DSE: variants seen among roughly 807,000 people sequenced by gnomAD.
The protein encoded by DSE is dermatan-sulfate epimerase.
A neutral mutation model predicts 84.4 loss-of-function variants in DSE; 36 were observed. The observed-to-expected ratio is 0.43, with a 90% CI of 0.33 to 0.56. The LOEUF is 0.56. DSE is among the 20% of genes least tolerant of loss of function. The pLI is 0.06. For synonymous variants in DSE, 410 were observed against 430.1 expected, an observed-to-expected ratio of 0.95 and a Z score of 0.58; for missense variants, 862 against 1,169.6, an observed-to-expected ratio of 0.74 and a Z score of 3.84.
At chr6:116,406,422 A>G (rs981468352) in intron 2 of DSE, among the ~76,000 whole-genome samples, 1 of 152,236 alleles carries the variant, frequency 6.6e-6, no homozygotes, top group Non-Finnish European at 1.5e-5. Flanking sequence ...AATTTTGTGG[A>G]TGTCTTGCCT....
chr6:116,312,648 C>T (rs62423851), intron 2 of DSE, among the ~76,000 whole-genome samples: 17,273 of 151,936 alleles, frequency 0.11, 1,352 homozygotes, highest in Admixed American at 0.19. Context: ...TCCTTAGGGC[C>T]TGTAATGGAA....
chr6:116,361,908 TAC>T (rs1167709210), intron 2 of DSE, among the ~76,000 whole-genome samples: 2 of 152,140 alleles, frequency 1.3e-5, no homozygotes, highest in African/African-American at 2.4e-5. Context: ...TATCTGAAGC[TAC>T]AAAATAGAGC....
intron 1 of DSE, among the ~76,000 whole-genome samples, chr6:116,258,130 C>T (rs548467539): frequency 6.6e-6 from 1 of 152,214 alleles, no homozygotes; most frequent in South Asian, 2.1e-4. Flanking sequence ...GCAGTTCTAC[C>T]TCAGTCTCCC....
chr6:116,368,579 T>C (rs1779301528), upstream of DSE, among the ~76,000 whole-genome samples: 1 of 152,158 alleles, frequency 6.6e-6, no homozygotes, highest in South Asian at 2.1e-4. Flanking sequence ...CACTTTAAGG[T>C]TTTATTTGGT....
chr6:116,305,964 C>T (rs892183400), intron 2 of DSE, among the ~76,000 whole-genome samples: 9 of 152,038 alleles, frequency 5.9e-5, no homozygotes, highest in African/African-American at 2.2e-4. Context: ...ATTTCTGTAA[C>T]ATATACACTG....
At chr6:116,393,285 T>C (rs1379302855) in intron 1 of DSE, among the ~76,000 whole-genome samples, 2 of 152,228 alleles carry the variant, frequency 1.3e-5, no homozygotes, top group Non-Finnish European at 2.9e-5. Context: ...TATACTTTCC[T>C]TTCCAGTGAG....
intron 2 of DSE, among the ~76,000 whole-genome samples, chr6:116,406,556 A>G (rs1781942509): frequency 6.6e-6 from 1 of 152,238 alleles, no homozygotes; most frequent in Admixed American, 6.5e-5. Context: ...ATTCACGCCT[A>G]ACACCACTTA....
chr6:116,271,260 G>A (rs923238015), intron 2 of DSE, among the ~76,000 whole-genome samples: 9 of 152,186 alleles, frequency 5.9e-5, no homozygotes, highest in Non-Finnish European at 7.4e-5. Flanking sequence ...GGTTAAAACC[G>A]GTTTCTAGGC....
chr6:116,308,604 A>G (rs1775484263), intron 2 of DSE, among the ~76,000 whole-genome samples: 1 of 152,208 alleles, frequency 6.6e-6, no homozygotes, highest in Admixed American at 6.5e-5. Context: ...AGCAATTTAC[A>G]TAAACTCTTG....
chr6:116,431,899 CA>C (rs935806785), intron 4 of DSE, among the ~76,000 whole-genome samples: 1 of 152,018 alleles, frequency 6.6e-6, no homozygotes, highest in African/African-American at 2.4e-5. Context: ...AAAATTTTAT[CA>C]GGATAGATTC....
intron 2 of DSE, among the ~76,000 whole-genome samples, chr6:116,408,575 C>G (rs1782089253): frequency 6.6e-6 from 1 of 152,166 alleles, no homozygotes; most frequent in Admixed American, 6.5e-5. Context: ...TGTGGCTGCT[C>G]CTACTTATCT....
chr6:116,383,689 T>A (rs930598626), intron 1 of DSE, among the ~76,000 whole-genome samples: 1 of 152,256 alleles, frequency 6.6e-6, no homozygotes, highest in East Asian at 1.9e-4. Flanking sequence ...TTATCATTCA[T>A]CTTCCTTACA....
intron 2 of DSE, among the ~76,000 whole-genome samples, chr6:116,308,143 G>C (rs1775456089): frequency 1.3e-5 from 2 of 152,296 alleles, no homozygotes; most frequent in South Asian, 4.1e-4. Flanking sequence ...ACTATGTCAT[G>C]GAGTGGATTT....
Position 116,439,668 on chromosome 6 carries a change from G to A in DSE, c.*2323G>A, listed in dbSNP as rs1199066577. 1 of 152,140 alleles carries A rather than the reference G, an allele frequency of 6.6e-6. No individual in the cohort carries two copies. The allele number at this position is 152,140 out of a possible 1,614,324, so 9.4% of individuals were successfully genotyped here. On this transcript the variant is annotated 3_prime_UTR_variant, in exon 6 of 6. Coordinates refer to ENST00000644252, the MANE Select transcript of DSE (RefSeq NM_013352.4). ...CCTTGAAACTGAGTAATCAGTTATG[G>A]AATCTGTTTCAATGCTGCTCACTAT... is the stretch of plus-strand genomic sequence containing the variant.
chr6:116,372,000 A>C (rs1474531697), intron 1 of DSE, among the ~76,000 whole-genome samples: 1 of 152,204 alleles, frequency 6.6e-6, no homozygotes, highest in Non-Finnish European at 1.5e-5. Flanking sequence ...TGACGCTTTT[A>C]GTTCTAGGAA....
intron 2 of DSE, among the ~76,000 whole-genome samples, chr6:116,281,360 A>G (rs1773519102): frequency 6.6e-6 from 1 of 152,200 alleles, no homozygotes; most frequent in African/African-American, 2.4e-5. Flanking sequence ...AAGAAAATAA[A>G]TTTGTGCATT....
At position 116,441,411 on chromosome 6, in the gene DSE, G is replaced by T. The variant is rs953011229; in HGVS notation, c.*4066G>T. ...TAAAAAACAAAACAATAAATTATCTGTCCCTTCCCCTCTCATTCTTAGTTT... is the reference window on the plus strand; with the variant it reads ...TAAAAAACAAAACAATAAATTATCTTTCCCTTCCCCTCTCATTCTTAGTTT... On this transcript the variant is annotated 3_prime_UTR_variant, in exon 6 of 6. Coordinates refer to ENST00000644252, the MANE Select transcript of DSE (RefSeq NM_013352.4). 1.3e-5 allele frequency: 2 copies of T among 152,098 alleles called. No homozygotes were observed. The highest frequency in any genetic ancestry group is 6.5e-5 in the Admixed American group (1 of 15,272). The allele number at this position is 152,098 out of a possible 1,614,324, so 9.4% of individuals were successfully genotyped here. A position where few individuals can be genotyped will look rare whatever the true frequency, so the allele number is the denominator to read the frequency against.
At chr6:116,257,267 T>C (rs1445811931) in intron 1 of DSE, 2 of 152,174 alleles carry the variant, frequency 1.3e-5, no homozygotes, top group Non-Finnish European at 2.9e-5. Context: ...TCAGAAGAAA[T>C]TGAGGCAATG....
At chr6:116,261,894 ACAT>A (rs1367661987) in intron 2 of DSE, among the ~76,000 whole-genome samples, 6 of 152,186 alleles carry the variant, frequency 3.9e-5, no homozygotes, top group African/African-American at 1.4e-4. Context: ...GTGATGAATC[ACAT>A]CATTAATTTG....
Sources: allele counts gnomAD v4.1 joint callset (sites outside exome capture counted in the v4.1 genomes callset), GRCh38; gene constraint gnomAD v4.1.1; transcripts MANE v1.5; gene names NCBI Gene and HGNC (gene_info 2026-07-23, HGNC 2026-07-21).